The following PIK3R6 variants were observed in gnomAD, a reference collection of about 807,000 sequenced individuals.
PIK3R6 encodes the protein phosphoinositide 3-kinase regulatory subunit 6.
A neutral mutation model predicts 84.9 loss-of-function variants in PIK3R6; 91 were observed. The observed-to-expected ratio is 1.07, with a 90% CI of 0.90 to 1.28. The LOEUF is 1.28. Among genes scored for constraint, PIK3R6 ranks in the 50% most tolerant of loss-of-function variants. The pLI is 0.00. For missense variants in PIK3R6, 996 were observed against 985.1 expected (o/e 1.01, Z -0.15); for synonymous variants, 416 against 411.4 (o/e 1.01, Z -0.13).
chr17:8,831,285 G>A (rs1257671397), intron 9 of PIK3R6, among the ~76,000 whole-genome samples: 2 of 132,232 alleles, frequency 1.5e-5, no homozygotes, highest in Admixed American at 8.8e-5. Context: ...AGCCATGATC[G>A]AGCCACTGCA....
chr17:8,860,297 G>A (rs1310709164), intron 1 of PIK3R6, among the ~76,000 whole-genome samples: 2 of 151,928 alleles, frequency 1.3e-5, no homozygotes. Flanking sequence ...GGCGGGGGGC[G>A]GTGTGGGCAT....
At chr17:8,854,257 T>A (rs2089065160) in intron 1 of PIK3R6, among the ~76,000 whole-genome samples, 1 of 152,126 alleles carries the variant, frequency 6.6e-6, no homozygotes, top group South Asian at 2.1e-4. Context: ...CAAGCAATTC[T>A]CCTGCTTCAG....
At position 8,811,397 on chromosome 17, in the gene PIK3R6, G is replaced by C. The variant is rs1181848263; in HGVS notation, c.1996-7244C>G. Among the ~76,000 whole-genome samples, 6 of 148,396 alleles carry C rather than the reference G, an allele frequency of 4.0e-5. 1 individual carries two copies. Among genetic ancestry groups the C allele is most frequent in the African/African-American group, 1.5e-4 (6 of 39,788 alleles). Reference sequence around the variant, plus strand: ...GGAGACATTTTCCCCATTGTCTTGGGGATTAACATTTGGCTCCTCATTGCT... The same window carrying C: ...GGAGACATTTTCCCCATTGTCTTGGCGATTAACATTTGGCTCCTCATTGCT... On this transcript the variant is annotated intron_variant, in intron 18 of 19. Coordinates refer to ENST00000619866, the MANE Select transcript of PIK3R6 (RefSeq NM_001010855.4).
chr17:8,829,547 GACAC>G (rs995750514), intron 10 of PIK3R6, among the ~76,000 whole-genome samples, 155 bp downstream of exon 10: 6 of 119,996 alleles, frequency 5.0e-5, no homozygotes, highest in Admixed American at 1.7e-4. Context: ...CATGCACACA[GACAC>G]ACACTCATGC....
intron 8 of PIK3R6, 49 bp downstream of exon 8, chr17:8,835,224 G>A (rs766773244): frequency 1.5e-5 from 21 of 1,421,330 alleles, no homozygotes; most frequent in South Asian, 4.5e-5. Flanking sequence ...GTATGGGCAT[G>A]CAGGGACGAG....
chr17:8,845,454 C>G lies in PIK3R6; in HGVS notation c.13+4328G>C, dbSNP rs545185566. Among the ~76,000 whole-genome samples, 5 of 152,210 alleles carry G rather than the reference C, an allele frequency of 3.3e-5. No homozygotes were observed. The East Asian group carries it at 9.6e-4, about 29-fold the overall frequency. On this transcript the variant is annotated intron_variant, in intron 2 of 19. Coordinates refer to ENST00000619866, the MANE Select transcript of PIK3R6 (RefSeq NM_001010855.4). ...CCATATTTGTTGGCTGCTTGTATGT[C>G]TTCTTTTGAGAAGTGTCTGTTCATG... is the stretch of plus-strand genomic sequence containing the variant.
At chr17:8,819,735 T>A (rs1453508466) in intron 17 of PIK3R6, among the ~76,000 whole-genome samples, 1 of 147,406 alleles carries the variant, frequency 6.8e-6, no homozygotes, top group Non-Finnish European at 1.5e-5. Flanking sequence ...CACACACATA[T>A]ATAAGTATAT....
intron 1 of PIK3R6, among the ~76,000 whole-genome samples, chr17:8,864,539 T>TC (rs2089359822): frequency 7.4e-6 from 1 of 135,218 alleles, no homozygotes. Context: ...CTTTTTTTTT[T>TC]TTTTTTTTTT....
chr17:8,864,389 AAT>A (rs1476869933), intron 1 of PIK3R6, among the ~76,000 whole-genome samples: 1 of 152,038 alleles, frequency 6.6e-6, no homozygotes, highest in East Asian at 1.9e-4. Flanking sequence ...TGCTGTGAGT[AAT>A]AGAGTTCTTT....
intron 1 of PIK3R6, among the ~76,000 whole-genome samples, chr17:8,854,910 C>T (rs376917810): frequency 1.4e-4 from 21 of 152,204 alleles, no homozygotes; most frequent in African/African-American, 4.1e-4. Context: ...AATGAAAAAA[C>T]GGGCCGGGCA....
intron 4 of PIK3R6, chr17:8,838,318 C>T (rs757828088): frequency 1.5e-5 from 7 of 481,628 alleles, no homozygotes; most frequent in Middle Eastern, 4.9e-4. Context: ...ACAAGTGATG[C>T]GGGTTTTCCA....
Position 8,839,432 on chromosome 17 carries a change from G to C in PIK3R6, c.97+182C>G, listed in dbSNP as rs2088600159. On this transcript the variant is annotated intron_variant, in intron 3 of 19. Transcript: ENST00000619866. This position sits in a 1 kb window ranked among gnomAD's most constrained non-coding sequence, Gnocchi z 4.2. ...GGCAGTTGCTGGGAGGGTTGAACTAGGGAGCAGAGAAGCCTTCTCAGTCCT... is the reference window on the plus strand; with the variant it reads ...GGCAGTTGCTGGGAGGGTTGAACTACGGAGCAGAGAAGCCTTCTCAGTCCT... 6.6e-6 allele frequency among the ~76,000 whole-genome samples: 1 copy of C among 152,196 alleles called. No individual in the cohort carries two copies. The highest frequency in any genetic ancestry group is 2.4e-5 in the African/African-American group (1 of 41,456).
Position 8,828,131 on chromosome 17 carries a change from A to G in PIK3R6, c.1373T>C (p.Ile458Thr). ...TPRLSLQLYY[I>T]PVLAPEKPAA... Reference sequence around the variant, plus strand: ...AGTCACCTCAGGCGCCAGCACGGGGATGTAGTAGAGCTGCAGGCTGAGTCT... The same window carrying G: ...AGTCACCTCAGGCGCCAGCACGGGGGTGTAGTAGAGCTGCAGGCTGAGTCT... Residue 458 changes from isoleucine (I) to threonine (T), a missense_variant, in exon 12 of 20, where the codon ATC becomes ACC. Coordinates refer to ENST00000619866, the MANE Select transcript of PIK3R6 (RefSeq NM_001010855.4). 1 of 1,613,810 alleles carries G rather than the reference A, an allele frequency of 6.2e-7. No homozygotes were observed.
chr17:8,861,961 T>C (rs927890759), intron 1 of PIK3R6, among the ~76,000 whole-genome samples: 2 of 152,212 alleles, frequency 1.3e-5, no homozygotes, highest in African/African-American at 2.4e-5. Context: ...GAAAAACAAA[T>C]TTTTGCTAGT....
At chr17:8,837,964 G>A in intron 4 of PIK3R6, 93 bp from the exon 5 acceptor site, 2 of 1,090,338 alleles carry the variant, frequency 1.8e-6, no homozygotes, top group African/African-American at 1.5e-5. Flanking sequence ...GGCAGGAGAT[G>A]GGGTGGAAGG....
intron 4 of PIK3R6, 158 bp downstream of exon 4, chr17:8,838,406 A>C (rs2088555965): frequency 3.3e-6 from 2 of 601,494 alleles, no homozygotes; most frequent in East Asian, 5.8e-5. Context: ...TAAAGAAAAT[A>C]CTGCTTACGT....
At chr17:8,808,061 G>A (rs2087254177) in intron 18 of PIK3R6, among the ~76,000 whole-genome samples, 1 of 152,148 alleles carries the variant, frequency 6.6e-6, no homozygotes, top group Admixed American at 6.5e-5. Flanking sequence ...AGAGATTTGA[G>A]AAGTGTTCCA....
chr17:8,856,271 C>T (rs977999006), intron 1 of PIK3R6, among the ~76,000 whole-genome samples: 2 of 152,174 alleles, frequency 1.3e-5, no homozygotes, highest in Non-Finnish European at 2.9e-5. Context: ...AGTTTCCCCC[C>T]AGTGATAACA....
chr17:8,849,847 T>C lies in PIK3R6; in HGVS notation c.-53A>G, dbSNP rs1439731550. ...GATGTGGTTGTCTCGGGCAGCAGAA[T>C]AGAGAACAAGGTGGTTGCTTTTCTG... On this transcript the variant is annotated 5_prime_UTR_variant, in exon 2 of 20. Coordinates refer to ENST00000619866, the MANE Select transcript of PIK3R6 (RefSeq NM_001010855.4). The C allele has an allele frequency of 1.3e-5, 21 of 1,601,686 alleles. No homozygotes were observed. The highest frequency in any genetic ancestry group is 1.7e-5 in the Non-Finnish European group (20 of 1,174,086).
Sources: allele counts gnomAD v4.1 joint callset (sites outside exome capture counted in the v4.1 genomes callset), GRCh38; gene constraint gnomAD v4.1.1; non-coding constraint Gnocchi (gnomAD v3.1); transcripts MANE v1.5; gene names NCBI Gene and HGNC (gene_info 2026-07-23, HGNC 2026-07-21).